The following CNTN4 variants were observed in gnomAD, a reference collection of about 807,000 sequenced individuals.
CNTN4 encodes the protein contactin 4, also known as contactin-4.
CNTN4 carries 77 observed loss-of-function variants against 122.5 expected under a neutral mutation model. The observed-to-expected ratio is 0.63, with a 90% CI of 0.52 to 0.76. CNTN4 has a LOEUF of 0.76. Ranked by LOEUF, CNTN4 falls within the 30% of genes least tolerant of loss-of-function variation. CNTN4 has a pLI of 0.00. For synonymous variants in CNTN4, 512 were observed against 447.0 expected, an observed-to-expected ratio of 1.15 and a Z score of -1.83; for missense variants, 1,256 against 1,259.1, an observed-to-expected ratio of 1.00 and a Z score of 0.04.
At chr3:2,854,211 C>CG (rs2093591899) in intron 7 of CNTN4, among the ~76,000 whole-genome samples, 2 of 149,874 alleles carry the variant, frequency 1.3e-5, no homozygotes, top group South Asian at 2.1e-4. Context: ...CGCAGGGAAG[C>CG]GGGGAAAAGC....
At chr3:2,308,109 T>C (rs11714433) in intron 2 of CNTN4, among the ~76,000 whole-genome samples, 15,492 of 152,146 alleles carry the variant, frequency 0.1, 945 homozygotes, top group Middle Eastern at 0.14. Context: ...TTTCTGTTTC[T>C]TCTTGAATAA....
intron 2 of CNTN4, among the ~76,000 whole-genome samples, chr3:2,109,675 A>C (rs1441888645): frequency 6.6e-6 from 1 of 152,192 alleles, no homozygotes; most frequent in Non-Finnish European, 1.5e-5. Context: ...GTAAGATTTG[A>C]TTCTAGGCAC....
chr3:3,003,684 CAAAAAAAAAAAAAAA>C (rs58290160), intron 14 of CNTN4, among the ~76,000 whole-genome samples: 45 of 76,976 alleles, frequency 5.8e-4, no homozygotes, highest in Non-Finnish European at 8.6e-4. Context: ...ATGGTTGCAC[CAAAAAAAAAAAAAAA>C]AAAAAAAAAA....
intron 2 of CNTN4, among the ~76,000 whole-genome samples, chr3:2,269,751 CAG>C (rs1191594949): frequency 6.6e-6 from 1 of 152,050 alleles, no homozygotes; most frequent in Non-Finnish European, 1.5e-5. Flanking sequence ...TGATGGATTA[CAG>C]AGTCTCTACC....
chr3:2,840,664 A>T (rs546315293), intron 7 of CNTN4, among the ~76,000 whole-genome samples: 5 of 148,400 alleles, frequency 3.4e-5, no homozygotes, highest in Middle Eastern at 3.4e-3. Flanking sequence ...ACACCACTGC[A>T]CTCCAGCCTG....
chr3:2,600,426 C>G (rs995331102), intron 4 of CNTN4, among the ~76,000 whole-genome samples: 2 of 152,096 alleles, frequency 1.3e-5, no homozygotes, highest in African/African-American at 2.4e-5. Context: ...GTTCAATTCC[C>G]ACCTATGAGT....
chr3:2,732,241 A>G (rs947539549), intron 4 of CNTN4, among the ~76,000 whole-genome samples: 4 of 152,164 alleles, frequency 2.6e-5, no homozygotes, highest in African/African-American at 9.7e-5. Context: ...GTAGTTCTCA[A>G]ACTTCAGTGT....
chr3:2,448,733 G>A (rs1264708333), intron 3 of CNTN4, among the ~76,000 whole-genome samples: 2 of 152,190 alleles, frequency 1.3e-5, no homozygotes, highest in Non-Finnish European at 2.9e-5. Context: ...ACAATATAGA[G>A]AATATGTTAC....
intron 16 of CNTN4, among the ~76,000 whole-genome samples, chr3:3,032,093 C>G (rs1232551771): frequency 6.6e-6 from 1 of 152,112 alleles, no homozygotes; most frequent in African/African-American, 2.4e-5. Flanking sequence ...GCTTTGTTCC[C>G]CTTTCAATTG....
chr3:2,163,164 A>G (rs1174134408), intron 2 of CNTN4, among the ~76,000 whole-genome samples: 1 of 152,228 alleles, frequency 6.6e-6, no homozygotes. Context: ...CAAGTAAACC[A>G]GTGGAACAGA....
rs1280480384 is a variant in CNTN4 at position 2,881,484 on chromosome 3, G to T, written c.653-1661G>T. Among the ~76,000 whole-genome samples, 5 of 149,878 alleles carry T rather than the reference G, an allele frequency of 3.3e-5. No individual in the cohort carries two copies. The East Asian group carries it at 9.8e-4, about 29-fold the overall frequency. The stretch of plus-strand genomic sequence containing the variant: ...GCCAAAATTGTACCACAGCACTCCA[G>T]CCTGGGCGACAGAGCAAGACTCAGT... On this transcript the variant is annotated intron_variant, in intron 8 of 24. Coordinates refer to ENST00000418658, the MANE Select transcript of CNTN4 (RefSeq NM_175607.3).
At chr3:2,434,905 A>G (rs753873143) in intron 3 of CNTN4, among the ~76,000 whole-genome samples, 7 of 152,194 alleles carry the variant, frequency 4.6e-5, no homozygotes, top group Non-Finnish European at 8.8e-5. Context: ...TCTTGGCAAT[A>G]GGAAGCATTT....
intron 1 of CNTN4, among the ~76,000 whole-genome samples, chr3:2,100,055 G>A (rs1208854558): frequency 6.6e-6 from 1 of 152,168 alleles, no homozygotes; most frequent in Non-Finnish European, 1.5e-5. Flanking sequence ...GCTGGCCAGG[G>A]TCTGCAGATT....
At chr3:2,479,522 A>AG (rs1347957380) in intron 3 of CNTN4, among the ~76,000 whole-genome samples, 5 of 152,206 alleles carry the variant, frequency 3.3e-5, no homozygotes, top group Admixed American at 3.3e-4. Flanking sequence ...TAAGCGGGGA[A>AG]GGGAACCAGG....
chr3:2,702,827 G>T (rs189468342), intron 4 of CNTN4, among the ~76,000 whole-genome samples: 4 of 152,284 alleles, frequency 2.6e-5, no homozygotes, highest in Admixed American at 1.3e-4. Context: ...GAGCACATTA[G>T]GCTATTATGA....
chr3:2,873,202 A>G (rs546457613), intron 8 of CNTN4, among the ~76,000 whole-genome samples: 35 of 152,194 alleles, frequency 2.3e-4, no homozygotes, highest in Admixed American at 9.8e-4. Context: ...TCAGCTATGC[A>G]AAATGGGTGA....
At chr3:2,476,851 T>G (rs1305180548) in intron 3 of CNTN4, among the ~76,000 whole-genome samples, 1 of 152,206 alleles carries the variant, frequency 6.6e-6, no homozygotes, top group Non-Finnish European at 1.5e-5. Flanking sequence ...AGTCAATAAT[T>G]GTTGGTATCA....
intron 2 of CNTN4, among the ~76,000 whole-genome samples, chr3:2,327,066 A>T (rs985303833): frequency 4.6e-5 from 7 of 152,096 alleles, no homozygotes; most frequent in African/African-American, 1.7e-4. Flanking sequence ...GTTAAGCCAC[A>T]ACTGATCTGT....
intron 4 of CNTN4, among the ~76,000 whole-genome samples, chr3:2,584,834 T>G (rs1438899332): frequency 6.6e-6 from 1 of 152,088 alleles, no homozygotes; most frequent in Admixed American, 6.6e-5. Context: ...AATTATATTA[T>G]TCTCAGGGTA....
Sources: allele counts gnomAD v4.1 joint callset (sites outside exome capture counted in the v4.1 genomes callset), GRCh38; gene constraint gnomAD v4.1.1; transcripts MANE v1.5; gene names NCBI Gene and HGNC (gene_info 2026-07-23, HGNC 2026-07-21).